IRAK4: variants seen among roughly 807,000 people sequenced by gnomAD.
IRAK4 encodes the protein interleukin 1 receptor associated kinase 4, also known as interleukin-1 receptor-associated kinase 4.
A neutral mutation model predicts 51.8 loss-of-function variants in IRAK4; 44 were observed. The ratio of observed to expected loss-of-function variants is 0.85; its 90% CI spans 0.67 to 1.09. The LOEUF (loss-of-function observed/expected upper bound fraction) is 1.09. IRAK4 is among the 50% of genes least tolerant of loss of function. IRAK4 has a pLI of 0.00. For missense variants in IRAK4, 487 were observed against 538.0 expected, an observed-to-expected ratio of 0.91 and a Z score of 0.94; for synonymous variants, 149 against 174.1, an observed-to-expected ratio of 0.86 and a Z score of 1.13.
intron 8 of IRAK4, among the ~76,000 whole-genome samples, chr12:43,778,909 A>G (rs1234255464): frequency 6.6e-6 from 1 of 152,212 alleles, no homozygotes; most frequent in African/African-American, 2.4e-5. Context: ...GGGTAACTGT[A>G]GAATGGATGA....
intron 2 of IRAK4, 105 bp downstream of exon 2, chr12:43,768,377 C>A: frequency 1.2e-6 from 1 of 812,614 alleles, no homozygotes; most frequent in Non-Finnish European, 2.0e-6. Context: ...GTAAACCTCT[C>A]CACTATGGAG....
At chr12:43,773,264 G>A (rs1332076068) in intron 5 of IRAK4, among the ~76,000 whole-genome samples, 192 bp downstream of exon 5, 3 of 151,930 alleles carry the variant, frequency 2.0e-5, no homozygotes, top group Non-Finnish European at 4.4e-5. Flanking sequence ...GAAAAATGTG[G>A]TTATGTCCAT....
intron 9 of IRAK4, among the ~76,000 whole-genome samples, chr12:43,783,218 C>A (rs1448733012): frequency 4.6e-5 from 7 of 151,956 alleles, no homozygotes; most frequent in Non-Finnish European, 1.0e-4. Flanking sequence ...AAAGACATAG[C>A]TTTGTATAGA....
chr12:43,780,620 G>A (rs1941694972), intron 8 of IRAK4, among the ~76,000 whole-genome samples: 1 of 148,834 alleles, frequency 6.7e-6, no homozygotes, highest in Admixed American at 6.7e-5. Context: ...TGCCCAGGCT[G>A]GAGTGCGATG....
chr12:43,775,198 A>T (rs1941155505), intron 6 of IRAK4, among the ~76,000 whole-genome samples: 1 of 152,264 alleles, frequency 6.6e-6, no homozygotes, highest in Admixed American at 6.5e-5. Flanking sequence ...TGCTGAAAAA[A>T]GATCAAACTT....
chr12:43,778,398 G>A, intron 8 of IRAK4, 96 bp downstream of exon 8: 1 of 730,666 alleles, frequency 1.4e-6, no homozygotes. Context: ...TTAACCTAGA[G>A]CATCTGGACT....
intron 1 of IRAK4, among the ~76,000 whole-genome samples, chr12:43,761,714 A>G (rs899828258): frequency 6.6e-6 from 1 of 152,350 alleles, no homozygotes; most frequent in Admixed American, 6.5e-5. Flanking sequence ...AGTGCTAATG[A>G]AGCAGTCTTA....
chr12:43,773,716 G>T, intron 5 of IRAK4: 1 of 316,822 alleles, frequency 3.2e-6, no homozygotes, highest in Non-Finnish European at 5.8e-6. Flanking sequence ...TTTGTGTAGT[G>T]AAATTTCGTG....
intron 3 of IRAK4, 99 bp from the exon 4 acceptor site, chr12:43,772,080 GA>G: frequency 1.1e-6 from 1 of 918,260 alleles, no homozygotes; most frequent in Non-Finnish European, 1.7e-6. Context: ...CCAACCTGTA[GA>G]AACTGGAATG....
chr12:43,786,249 GTC>G (rs749476757), intron 10 of IRAK4, 148 bp from the exon 11 acceptor site: 73 of 458,368 alleles, frequency 1.6e-4, no homozygotes, highest in Non-Finnish European at 2.3e-4. Flanking sequence ...CCCAGGCTGG[GTC>G]TTCAATTCTT....
At chr12:43,764,245 G>A (rs946527498) in intron 1 of IRAK4, among the ~76,000 whole-genome samples, 6 of 152,118 alleles carry the variant, frequency 3.9e-5, no homozygotes, top group African/African-American at 1.2e-4. Context: ...TCAACATGGC[G>A]AAACCCCATC....
At chr12:43,772,800 TA>T in intron 4 of IRAK4, 111 bp from the exon 5 acceptor site, 1 of 794,088 alleles carries the variant, frequency 1.3e-6, no homozygotes, top group Non-Finnish European at 2.0e-6. Context: ...TCATCTTGTC[TA>T]ATTCAAAATC....
chr12:43,776,326 A>T (rs1941268388), intron 6 of IRAK4, among the ~76,000 whole-genome samples: 1 of 152,186 alleles, frequency 6.6e-6, no homozygotes. Flanking sequence ...AAAACAGATA[A>T]ATCACTTGCC....
chr12:43,759,952 T>G (rs1259102907), intron 1 of IRAK4, among the ~76,000 whole-genome samples: 1 of 151,824 alleles, frequency 6.6e-6, no homozygotes, highest in Admixed American at 6.5e-5. Flanking sequence ...ACGGCGCTAT[T>G]AGTGCTTCAA....
chr12:43,772,313 A>G lies in IRAK4; in HGVS notation c.441A>G (p.Pro147=). Residue 147 remains proline (P), a synonymous_variant, in exon 4 of 12, where the codon CCA becomes CCG. Coordinates refer to ENST00000613694, the MANE Select transcript of IRAK4 (RefSeq NM_016123.4). ...PVQNLEQSYM[P]PDSSSPENKS... ...AGAATCTTGAACAAAGCTATATGCCACCTGACTCCTCAAGTCCAGAAAATA... is the reference window on the plus strand; with the variant it reads ...AGAATCTTGAACAAAGCTATATGCCGCCTGACTCCTCAAGTCCAGAAAATA... The G allele has an allele frequency of 6.2e-7, 1 of 1,613,778 alleles. No homozygotes were observed. The highest frequency in any genetic ancestry group is 8.5e-7 in the Non-Finnish European group (1 of 1,179,954).
intron 1 of IRAK4, among the ~76,000 whole-genome samples, chr12:43,767,527 G>T (rs143640304): frequency 3.3e-5 from 5 of 152,258 alleles, no homozygotes; most frequent in African/African-American, 1.2e-4. Flanking sequence ...TTGTGGTCAG[G>T]CAGATCTCAT....
rs1231066106 is a variant in IRAK4 at position 43,774,043 on chromosome 12, T to A, written c.716+14T>A. 1.3e-6 allele frequency: 2 copies of A among 1,597,682 alleles called. No individual in the cohort carries two copies. The highest frequency in any genetic ancestry group is 1.7e-5 in the Admixed American group (1 of 59,998). ...AGTAATGGCAAAGTAAGTCTTAATCTGGCAGTGCGGTGTAGTGGAAAGAAA... is the reference window on the plus strand; with the variant it reads ...AGTAATGGCAAAGTAAGTCTTAATCAGGCAGTGCGGTGTAGTGGAAAGAAA... On this transcript the variant is annotated intron_variant, in intron 6 of 11. Transcript: ENST00000613694.
In IRAK4 at chr12:43,788,758, G is replaced by C. The variant is rs999703017; in HGVS notation, c.*2043G>C. The C allele has an allele frequency of 3.5e-4, 54 of 152,206 alleles. No individual in the cohort carries two copies. The highest frequency in any genetic ancestry group is 1.3e-3 in the African/African-American group (53 of 41,466). The allele number at this position is 152,206 out of a possible 1,614,324, so 9.4% of individuals were successfully genotyped here. A position where few individuals can be genotyped will look rare whatever the true frequency, so the allele number is the denominator to read the frequency against. On this transcript the variant is annotated 3_prime_UTR_variant, in exon 12 of 12. Transcript: ENST00000613694. ...GGGTTTCACTGTGTTAGCCAGGATG[G>C]TCTTGATCTCCTGACCTCGTGATCA...
chr12:43,767,643 T>G (rs1376559668), intron 1 of IRAK4, among the ~76,000 whole-genome samples: 3 of 152,240 alleles, frequency 2.0e-5, no homozygotes, highest in African/African-American at 4.8e-5. Flanking sequence ...ACGTTTTTTT[T>G]TTTTACTTCT....
Sources: gnomAD v4.1 joint callset for allele counts (sites outside exome capture counted in the v4.1 genomes callset) on GRCh38, gnomAD v4.1.1 for gene constraint, MANE v1.5 for transcripts, NCBI Gene and HGNC (gene_info 2026-07-23, HGNC 2026-07-21) for gene names.